ADGRL3: variants seen among roughly 807,000 people sequenced by gnomAD.
ADGRL3 encodes calcium-independent alpha-latrotoxin receptor 3.
In ADGRL3, 62 loss-of-function variants were observed where a neutral mutation model predicts 153.5. The observed-to-expected ratio is 0.40, with a 90% CI of 0.33 to 0.50. ADGRL3 has a LOEUF of 0.50. Ranked by LOEUF, ADGRL3 falls within the 20% of genes least tolerant of loss-of-function variation. The pLI is 0.47. For missense variants in ADGRL3, 1,641 were observed against 1,859.4 expected (o/e 0.88, Z 2.16); for synonymous variants, 710 against 672.5 (o/e 1.06, Z -0.86).
intron 9 of ADGRL3, among the ~76,000 whole-genome samples, chr4:61,883,674 T>C (rs977710920): frequency 6.6e-6 from 1 of 152,202 alleles, no homozygotes; most frequent in African/African-American, 2.4e-5. Context: ...TCATTAATTC[T>C]AATAGTCTCA....
intron 3 of ADGRL3, among the ~76,000 whole-genome samples, chr4:61,512,961 A>G (rs944231415): frequency 4.6e-5 from 7 of 152,130 alleles, no homozygotes; most frequent in African/African-American, 1.7e-4. Context: ...TGGGTTGCTA[A>G]TAAAGACATG....
intron 9 of ADGRL3, among the ~76,000 whole-genome samples, chr4:61,883,395 G>A (rs2098519785): frequency 1.3e-5 from 2 of 152,148 alleles, no homozygotes; most frequent in Admixed American, 1.3e-4. Flanking sequence ...TCTTGGTTGA[G>A]TTAAGGAATA....
chr4:61,622,196 A>G (rs1323972649), intron 5 of ADGRL3, among the ~76,000 whole-genome samples: 1 of 152,160 alleles, frequency 6.6e-6, no homozygotes, highest in Non-Finnish European at 1.5e-5. Context: ...CAGTGAGCCA[A>G]ATCTCTTCAT....
intron 2 of ADGRL3, among the ~76,000 whole-genome samples, chr4:61,431,125 T>G (rs991990614): frequency 1.3e-5 from 2 of 152,226 alleles, no homozygotes; most frequent in African/African-American, 4.8e-5. Context: ...TCATCATCAC[T>G]TCTAACCAAA....
intron 21 of ADGRL3, among the ~76,000 whole-genome samples, chr4:62,005,548 G>A (rs1003229450): frequency 2.0e-5 from 3 of 152,114 alleles, no homozygotes; most frequent in African/African-American, 4.8e-5. Flanking sequence ...AGGGGAAAAT[G>A]TCTTCTTCAT....
chr4:61,768,850 G>A (rs892716776), intron 8 of ADGRL3, among the ~76,000 whole-genome samples: 5 of 151,882 alleles, frequency 3.3e-5, no homozygotes, highest in South Asian at 2.1e-4. Flanking sequence ...GCTGGGACAC[G>A]GAAATAAGGG....
intron 8 of ADGRL3, among the ~76,000 whole-genome samples, chr4:61,776,679 G>T (rs1396887952): frequency 6.6e-6 from 1 of 152,042 alleles, no homozygotes; most frequent in African/African-American, 2.4e-5. Context: ...TAATTTTATA[G>T]TATTGTAATA....
At chr4:61,936,952 A>G (rs190993335) in intron 15 of ADGRL3, among the ~76,000 whole-genome samples, 1 of 152,196 alleles carries the variant, frequency 6.6e-6, no homozygotes, top group Non-Finnish European at 1.5e-5. Flanking sequence ...AATGATATCA[A>G]GAAAAACAAC....
intron 9 of ADGRL3, among the ~76,000 whole-genome samples, chr4:61,861,306 T>G (rs1443428605): frequency 6.6e-6 from 1 of 152,202 alleles, no homozygotes; most frequent in Non-Finnish European, 1.5e-5. Context: ...TTGTGAAGAT[T>G]AAATCAAATA....
intron 8 of ADGRL3, among the ~76,000 whole-genome samples, chr4:61,752,587 G>A (rs1001327790): frequency 5.3e-5 from 8 of 152,048 alleles, no homozygotes; most frequent in African/African-American, 1.9e-4. Flanking sequence ...CTGCTTCAGG[G>A]GACTGTCAGA....
intron 1 of ADGRL3, among the ~76,000 whole-genome samples, chr4:61,376,431 A>G (rs146324751): frequency 1.6e-4 from 24 of 152,096 alleles, no homozygotes; most frequent in Admixed American, 9.2e-4. Context: ...GCTATTTCTT[A>G]ATCAGAGAAA....
chr4:61,775,055 T>C (rs796608490), intron 8 of ADGRL3, among the ~76,000 whole-genome samples: 11 of 152,322 alleles, frequency 7.2e-5, no homozygotes, highest in African/African-American at 2.6e-4. Context: ...GTAGTCTGCT[T>C]AGAGCTTGCC....
chr4:61,841,698 T>C (rs1019760828), intron 9 of ADGRL3, among the ~76,000 whole-genome samples: 2 of 152,174 alleles, frequency 1.3e-5, no homozygotes, highest in Admixed American at 6.5e-5. Context: ...TTGGATAAAG[T>C]AAAATAAATT....
At position 61,385,578 on chromosome 4, in the gene ADGRL3, C is replaced by T. The variant is rs868390970; in HGVS notation, c.-174+2389C>T. 3.9e-5 allele frequency: 6 copies of T among 152,256 alleles called. No individual in the cohort carries two copies. The Middle Eastern group carries it at 0.017, about 432-fold the overall frequency. The allele number at this position is 152,256 out of a possible 1,614,324, so 9.4% of individuals were successfully genotyped here. ...TCCAGCAGAAGTGAACTGCTCCCAC[C>T]TTTCTTTCTTCAGCAGTCTGTCAGG... On this transcript the variant is annotated intron_variant, in intron 2 of 26. Transcript: ENST00000683033.
At chr4:61,245,167 C>G (rs2149369262) in intron 1 of ADGRL3, among the ~76,000 whole-genome samples, 1 of 152,150 alleles carries the variant, frequency 6.6e-6, no homozygotes, top group East Asian at 1.9e-4. Context: ...CATTGCCAGA[C>G]TGTCAAGGAC....
intron 8 of ADGRL3, among the ~76,000 whole-genome samples, chr4:61,748,524 G>A (rs1321378509): frequency 3.9e-5 from 6 of 152,008 alleles, no homozygotes; most frequent in Non-Finnish European, 7.4e-5. Context: ...ATAGATCAAT[G>A]GAACAGATCA....
intron 22 of ADGRL3, among the ~76,000 whole-genome samples, chr4:62,029,445 G>A (rs1323106516): frequency 6.6e-6 from 1 of 151,668 alleles, no homozygotes; most frequent in East Asian, 1.9e-4. Flanking sequence ...GATCTAATCT[G>A]TATGAATATA....
intron 17 of ADGRL3, among the ~76,000 whole-genome samples, chr4:61,958,605 G>T (rs1283999784): frequency 1.3e-5 from 2 of 152,050 alleles, no homozygotes; most frequent in Non-Finnish European, 2.9e-5. Context: ...GGGGAAGCAG[G>T]CACTTTCTTC....
At chr4:61,832,978 G>A (rs1024431020) in intron 9 of ADGRL3, among the ~76,000 whole-genome samples, 4 of 151,912 alleles carry the variant, frequency 2.6e-5, no homozygotes, top group Non-Finnish European at 4.4e-5. Context: ...TTCATGTAGA[G>A]CCATGTATAG....
Sources: allele counts gnomAD v4.1 joint callset (sites outside exome capture counted in the v4.1 genomes callset), GRCh38; gene constraint gnomAD v4.1.1; transcripts MANE v1.5; gene names NCBI Gene and HGNC (gene_info 2026-07-23, HGNC 2026-07-21).